Variants in GDPD4 observed in about 807,000 individuals in gnomAD.
GDPD4 encodes glycerophosphodiester phosphodiesterase domain containing 4, also known as glycerophosphodiester phosphodiesterase 6.
GDPD4 carries 60 observed loss-of-function variants against 67.8 expected under a neutral mutation model. That is an observed-to-expected ratio of 0.88 (90% CI 0.72 to 1.10). The LOEUF (loss-of-function observed/expected upper bound fraction) is 1.10, where lower values mean the gene tolerates loss of function less well. GDPD4 is among the 50% of genes least tolerant of loss of function. The probability of loss-of-function intolerance (pLI) is 0.00; values close to 1 mark genes in which losing one functional copy is unlikely to be tolerated. For missense variants in GDPD4, 623 were observed against 613.9 expected (o/e 1.01, Z -0.16); for synonymous variants, 212 against 210.9 (o/e 1.00, Z -0.04).
intron 16 of GDPD4, among the ~76,000 whole-genome samples, chr11:77,225,480 C>A (rs1441725342): frequency 6.6e-6 from 1 of 152,018 alleles, no homozygotes; most frequent in Non-Finnish European, 1.5e-5. Flanking sequence ...TTTCAGCAAA[C>A]CCTAATCAAG....
intron 10 of GDPD4, 80 bp from the exon 11 acceptor site, chr11:77,258,622 C>A: frequency 1.5e-6 from 2 of 1,334,478 alleles, no homozygotes; most frequent in Non-Finnish European, 2.1e-6. Context: ...CCCAGACAGT[C>A]CTTCAAGGTC....
At chr11:77,225,233 G>A (rs1407410892) in intron 16 of GDPD4, among the ~76,000 whole-genome samples, 2 of 151,556 alleles carry the variant, frequency 1.3e-5, no homozygotes, top group African/African-American at 4.9e-5. Context: ...ACTGGGAGGT[G>A]GAGGCTGCAG....
intron 4 of GDPD4, among the ~76,000 whole-genome samples, chr11:77,278,092 T>C (rs900578411): frequency 4.2e-4 from 64 of 152,182 alleles, no homozygotes; most frequent in Admixed American, 2.6e-3. Flanking sequence ...TGCACTGTGG[T>C]CTGACAGACA....
intron 14 of GDPD4, among the ~76,000 whole-genome samples, chr11:77,231,609 T>C (rs562268750): frequency 6.6e-6 from 1 of 152,348 alleles, no homozygotes; most frequent in East Asian, 1.9e-4. Context: ...TCACATGGAT[T>C]TATTCATTTA....
intron 5 of GDPD4, among the ~76,000 whole-genome samples, chr11:77,275,542 C>T (rs1408278522): frequency 2.0e-5 from 3 of 152,084 alleles, no homozygotes; most frequent in Non-Finnish European, 4.4e-5. Context: ...ACATAGAAAA[C>T]GTCCACGGGA....
intron 16 of GDPD4, among the ~76,000 whole-genome samples, chr11:77,225,231 G>A (rs1958304700): frequency 1.3e-5 from 2 of 151,572 alleles, no homozygotes; most frequent in South Asian, 2.1e-4. Context: ...AAACTGGGAG[G>A]TGGAGGCTGC....
chr11:77,231,811 G>A (rs569517706), intron 14 of GDPD4, among the ~76,000 whole-genome samples: 3 of 152,220 alleles, frequency 2.0e-5, no homozygotes, highest in South Asian at 4.1e-4. Flanking sequence ...TATACATGAA[G>A]GGGAGTTATA....
chr11:77,251,070 T>C (rs954167038), intron 11 of GDPD4, among the ~76,000 whole-genome samples: 2 of 152,200 alleles, frequency 1.3e-5, no homozygotes, highest in African/African-American at 4.8e-5. Context: ...GTAGGCAGCA[T>C]ATAGTTGAGT....
At chr11:77,257,553 AC>A (rs1428045061) in intron 11 of GDPD4, among the ~76,000 whole-genome samples, 52 of 2,820 alleles carry the variant, frequency 0.018, no homozygotes, top group Non-Finnish European at 0.035. Flanking sequence ...TCCCTCTCCT[AC>A]ACACACACAC....
At chr11:77,265,243 A>T (rs1488454481) in intron 10 of GDPD4, among the ~76,000 whole-genome samples, 1 of 152,262 alleles carries the variant, frequency 6.6e-6, no homozygotes, top group Admixed American at 6.5e-5. Flanking sequence ...TTTGTAGACT[A>T]GCCAAAGAAC....
chr11:77,274,821 T>C (rs12419191), intron 5 of GDPD4, among the ~76,000 whole-genome samples: 10 of 152,120 alleles, frequency 6.6e-5, no homozygotes, highest in Admixed American at 6.6e-4. Context: ...TTCTCACTCA[T>C]ATTTGGGAGG....
chr11:77,216,912 T>A lies in GDPD4; in HGVS notation c.*365A>T, dbSNP rs563805654. On this transcript the variant is annotated 3_prime_UTR_variant, in exon 17 of 17. Coordinates refer to ENST00000315938, the MANE Select transcript of GDPD4 (RefSeq NM_182833.3). ...TAGGATTATTTGGAGTATTCAGCCA[T>A]GGGGATCTCTTAGAGGTCTCTTATT... is the stretch of plus-strand genomic sequence containing the variant. 1.4e-6 allele frequency: 1 copy of A among 696,852 alleles called. No homozygotes were observed. The highest frequency in any genetic ancestry group is 1.8e-5 in the African/African-American group (1 of 56,894). The allele number at this position is 696,852 out of a possible 1,614,324, so 43.2% of individuals were successfully genotyped here. A position where few individuals can be genotyped will look rare whatever the true frequency, so the allele number is the denominator to read the frequency against.
At chr11:77,272,898 T>C (rs1209937547) in intron 5 of GDPD4, among the ~76,000 whole-genome samples, 2 of 152,128 alleles carry the variant, frequency 1.3e-5, no homozygotes, top group African/African-American at 4.8e-5. Context: ...GTAAGGTGTG[T>C]TTTGAGCAAA....
intron 13 of GDPD4, among the ~76,000 whole-genome samples, chr11:77,239,556 C>G (rs906601446): frequency 1.3e-5 from 2 of 152,128 alleles, no homozygotes; most frequent in Admixed American, 6.5e-5. Context: ...AACTACCTAA[C>G]TGATGAAAGT....
At chr11:77,279,448 C>A in intron 3 of GDPD4, 49 bp from the exon 4 acceptor site, 1 of 1,168,550 alleles carries the variant, frequency 8.6e-7, no homozygotes. Context: ...AAATCAGTAG[C>A]ATCTGTGTCA....
chr11:77,256,358 A>G (rs1211115108), intron 11 of GDPD4, among the ~76,000 whole-genome samples: 1 of 152,240 alleles, frequency 6.6e-6, no homozygotes, highest in African/African-American at 2.4e-5. Context: ...GACGCTACAT[A>G]TACTCAGAAA....
At chr11:77,235,009 G>GGTTTTTTT (rs1958524240) in intron 13 of GDPD4, among the ~76,000 whole-genome samples, 4 of 52,254 alleles carry the variant, frequency 7.7e-5, no homozygotes, top group African/African-American at 1.9e-4. Context: ...GTCAATATCT[G>GGTTTTTTT]TTTTTTTTTT....
intron 11 of GDPD4, among the ~76,000 whole-genome samples, chr11:77,256,449 T>G (rs1361661053): frequency 6.6e-6 from 1 of 152,212 alleles, no homozygotes; most frequent in African/African-American, 2.4e-5. Context: ...AGGACAAATA[T>G]TCTGAGTAAC....
chr11:77,289,397 G>A (rs1937684473), intron 1 of GDPD4, among the ~76,000 whole-genome samples: 1 of 149,378 alleles, frequency 6.7e-6, no homozygotes, highest in Non-Finnish European at 1.5e-5. Flanking sequence ...AAGGAGGGAA[G>A]ACGGAAAGAG....
Sources: gnomAD v4.1 joint callset for allele counts (sites outside exome capture counted in the v4.1 genomes callset) on GRCh38, gnomAD v4.1.1 for gene constraint, MANE v1.5 for transcripts, NCBI Gene and HGNC (gene_info 2026-07-23, HGNC 2026-07-21) for gene names.